The following BLTP1 variants were observed in gnomAD, a reference collection of about 807,000 sequenced individuals.
BLTP1 encodes the protein bridge-like lipid transfer protein family member 1.
At chr4:122,310,320 T>G in the BLTP1 span, among the ~76,000 whole-genome samples, 1 of 152,038 alleles carries the variant, frequency 6.6e-6, no homozygotes. Flanking sequence ...GAAAAATATC[T>G]TTTCCTACTA....
the BLTP1 span, chr4:122,175,789 C>A: frequency 1.7e-6 from 2 of 1,168,936 alleles, no homozygotes; most frequent in African/African-American, 3.1e-5. Context: ...TTTGGAATAA[C>A]TAAGAAATGA....
the BLTP1 span, among the ~76,000 whole-genome samples, chr4:122,160,881 T>TAAAA: frequency 2.0e-5 from 3 of 151,372 alleles, no homozygotes; most frequent in Non-Finnish European, 4.4e-5. Flanking sequence ...CTACACAAAT[T>TAAAA]ATCTGAAGAT....
the BLTP1 span, chr4:122,263,044 G>T: frequency 6.5e-7 from 1 of 1,531,056 alleles, no homozygotes; most frequent in Non-Finnish European, 8.9e-7. Context: ...AGATGAAACA[G>T]GACTTAAGTT....
the BLTP1 span, among the ~76,000 whole-genome samples, chr4:122,258,056 C>T: frequency 6.6e-6 from 1 of 152,016 alleles, no homozygotes; most frequent in African/African-American, 2.4e-5. Flanking sequence ...TTGGGGCCTG[C>T]GCTCAGCCTA....
the BLTP1 span, chr4:122,200,551 C>G: frequency 1.1e-6 from 1 of 952,046 alleles, no homozygotes; most frequent in Middle Eastern, 5.7e-4. Context: ...TGCACTCCAG[C>G]TTGGGCAATA....
At chr4:122,308,509 AT>A in the BLTP1 span, among the ~76,000 whole-genome samples, 2 of 152,130 alleles carry the variant, frequency 1.3e-5, no homozygotes, top group African/African-American at 4.8e-5. Context: ...TGTTTATAAG[AT>A]GGAAATAAAA....
chr4:122,346,526 T>C, the BLTP1 span: 1 of 1,467,032 alleles, frequency 6.8e-7, no homozygotes, highest in East Asian at 2.3e-5. Flanking sequence ...GTAACTTAAG[T>C]ATAATTCAGC....
the BLTP1 span, among the ~76,000 whole-genome samples, chr4:122,284,758 G>A: frequency 5.3e-5 from 8 of 152,132 alleles, no homozygotes; most frequent in Admixed American, 3.3e-4. Context: ...TTTTGTTATC[G>A]TTGTTATTAA....
At chr4:122,281,516 A>AT in the BLTP1 span, 1,855 of 1,395,252 alleles carry the variant, frequency 1.3e-3, 2 homozygotes, top group South Asian at 4.5e-3. Flanking sequence ...TTTTTTAATT[A>AT]TTTTTTTTTT....
the BLTP1 span, chr4:122,346,306 G>A: frequency 3.3e-6 from 1 of 304,426 alleles, no homozygotes; most frequent in South Asian, 1.3e-4. Flanking sequence ...AGCTCATCCT[G>A]ATGATTCATT....
chr4:122,259,482 T>C, the BLTP1 span, among the ~76,000 whole-genome samples: 1 of 152,232 alleles, frequency 6.6e-6, no homozygotes, highest in Admixed American at 6.5e-5. Context: ...CATTTGTTGT[T>C]GGTTCTTTAT....
At chr4:122,347,451 C>G in the BLTP1 span, 1 of 1,528,892 alleles carries the variant, frequency 6.5e-7, no homozygotes, top group Non-Finnish European at 8.8e-7. Flanking sequence ...GATGGGTGAA[C>G]TTATTTTATA....
chr4:122,278,473 T>C, the BLTP1 span, among the ~76,000 whole-genome samples: 1 of 152,180 alleles, frequency 6.6e-6, no homozygotes, highest in Non-Finnish European at 1.5e-5. Context: ...AGCGAGAGCA[T>C]TGTTGTGGTG....
At chr4:122,226,609 T>TAACA in the BLTP1 span, 1 of 1,549,442 alleles carries the variant, frequency 6.5e-7, no homozygotes, top group Non-Finnish European at 8.6e-7. Flanking sequence ...GTGTTTGGGT[T>TAACA]CTTTCAAGCT....
At chr4:122,322,256 T>A in the BLTP1 span, among the ~76,000 whole-genome samples, 3 of 151,926 alleles carry the variant, frequency 2.0e-5, no homozygotes, top group Admixed American at 6.6e-5. Flanking sequence ...CTTTTTGCAG[T>A]TCCTATTGAT....
the BLTP1 span, chr4:122,215,549 G>C: frequency 1.0e-6 from 1 of 985,332 alleles, no homozygotes; most frequent in Non-Finnish European, 1.2e-6. Context: ...TATCAAAGGA[G>C]TTTTTCCACT....
At chr4:122,355,246 T>C in the BLTP1 span, among the ~76,000 whole-genome samples, 1 of 152,114 alleles carries the variant, frequency 6.6e-6, no homozygotes, top group African/African-American at 2.4e-5. Flanking sequence ...CTAAGACCTA[T>C]AAAAGGTCTT....
the BLTP1 span, chr4:122,305,251 G>T: frequency 9.3e-5 from 91 of 978,088 alleles, no homozygotes; most frequent in Non-Finnish European, 1.1e-4. Flanking sequence ...TTTTTATTTT[G>T]CTAAACATTT....
the BLTP1 span, chr4:122,224,102 T>C: frequency 1.0e-6 from 1 of 982,450 alleles, no homozygotes; most frequent in Non-Finnish European, 1.2e-6. Flanking sequence ...CTTAATGGTC[T>C]GAGTTCTTCA....
Sources: gnomAD v4.1 joint callset for allele counts (sites outside exome capture counted in the v4.1 genomes callset) on GRCh38, gnomAD v4.1.1 for gene constraint, MANE v1.5 for transcripts, NCBI Gene and HGNC (gene_info 2026-07-23, HGNC 2026-07-21) for gene names.